The following FAM107B variants were observed in gnomAD, a reference collection of about 807,000 sequenced individuals.
FAM107B encodes protein FAM107B.
Under a neutral mutation model 31.5 loss-of-function variants are expected in FAM107B, and 21 were observed. The ratio of observed to expected loss-of-function variants is 0.67; its 90% confidence interval spans 0.47 to 0.96. FAM107B has a LOEUF of 0.96. Ranked by LOEUF, FAM107B falls within the 40% of genes least tolerant of loss-of-function variation. The pLI, the probability that FAM107B is intolerant of heterozygous loss-of-function variation, is 0.00. For synonymous variants in FAM107B, 157 were observed against 141.5 expected (o/e 1.11, Z -0.78); for missense variants, 452 against 377.1 (o/e 1.20, Z -1.64).
intron 2 of FAM107B, among the ~76,000 whole-genome samples, chr10:14,652,356 C>T (rs1415769456): frequency 1.3e-5 from 2 of 152,178 alleles, no homozygotes; most frequent in Non-Finnish European, 2.9e-5. Flanking sequence ...ACAAAATCAA[C>T]CCTCTCACTA....
chr10:14,547,691 A>C (rs77931855), intron 2 of FAM107B, among the ~76,000 whole-genome samples: 1,788 of 152,258 alleles, frequency 0.012, 22 homozygotes, highest in Non-Finnish European at 0.02. Context: ...TTCACTTTTG[A>C]AATACTGAAT....
intron 1 of FAM107B, among the ~76,000 whole-genome samples, chr10:14,709,784 CA>C (rs1356973499): frequency 6.6e-6 from 1 of 152,136 alleles, no homozygotes; most frequent in Non-Finnish European, 1.5e-5. Context: ...CATGGAGAAA[CA>C]TTAAATGCAT....
intron 2 of FAM107B, among the ~76,000 whole-genome samples, chr10:14,660,440 C>G (rs557890011): frequency 6.6e-6 from 1 of 152,316 alleles, no homozygotes; most frequent in Non-Finnish European, 1.5e-5. Flanking sequence ...TTGGCCCATT[C>G]ATCCATCTCC....
intron 1 of FAM107B, among the ~76,000 whole-genome samples, chr10:14,681,624 CAG>C (rs1413323666): frequency 6.6e-6 from 1 of 152,180 alleles, no homozygotes; most frequent in Admixed American, 6.5e-5. Context: ...TGTAATTTTC[CAG>C]ACTTGTATCA....
At chr10:14,620,233 G>T (rs973570866) in intron 2 of FAM107B, among the ~76,000 whole-genome samples, 2 of 151,966 alleles carry the variant, frequency 1.3e-5, no homozygotes, top group Non-Finnish European at 2.9e-5. Flanking sequence ...TGGCCAGGAT[G>T]GTCTCGATGT....
At chr10:14,732,055 G>T (rs141839760) in intron 1 of FAM107B, among the ~76,000 whole-genome samples, 1 of 152,114 alleles carries the variant, frequency 6.6e-6, no homozygotes, top group Non-Finnish European at 1.5e-5. Flanking sequence ...TCCCACCTGC[G>T]GTCCCAATGT....
intron 2 of FAM107B, among the ~76,000 whole-genome samples, chr10:14,567,269 G>C (rs554074371): frequency 6.6e-6 from 1 of 152,298 alleles, no homozygotes; most frequent in South Asian, 2.1e-4. Flanking sequence ...ACAGAAAAAT[G>C]AGAAAAGTAC....
intron 1 of FAM107B, among the ~76,000 whole-genome samples, chr10:14,766,730 C>T (rs553185955): frequency 6.6e-6 from 1 of 151,670 alleles, no homozygotes; most frequent in East Asian, 2.0e-4. Context: ...AAAGTAGCCC[C>T]TCTTCACCAA....
At chr10:14,685,327 T>G (rs1378975170) in intron 1 of FAM107B, among the ~76,000 whole-genome samples, 1 of 151,918 alleles carries the variant, frequency 6.6e-6, no homozygotes, top group Non-Finnish European at 1.5e-5. Context: ...TTTTAAATTT[T>G]TGGTAGAGAC....
intron 1 of FAM107B, among the ~76,000 whole-genome samples, chr10:14,770,291 A>T (rs1045481048): frequency 6.6e-6 from 1 of 152,102 alleles, no homozygotes; most frequent in Non-Finnish European, 1.5e-5. Context: ...TCGGGAGGCC[A>T]AGGCGGGTGG....
chr10:14,682,573 G>T (rs1854863546), intron 1 of FAM107B, among the ~76,000 whole-genome samples: 1 of 152,118 alleles, frequency 6.6e-6, no homozygotes, highest in South Asian at 2.1e-4. Flanking sequence ...AAAAAAGGAT[G>T]AGCTCATGTC....
intron 2 of FAM107B, among the ~76,000 whole-genome samples, chr10:14,651,480 C>T (rs973489083): frequency 7.9e-5 from 12 of 152,152 alleles, no homozygotes; most frequent in African/African-American, 2.9e-4. Flanking sequence ...TGGTGCATGC[C>T]TGTAATCCCA....
intron 1 of FAM107B, among the ~76,000 whole-genome samples, chr10:14,679,259 A>T (rs940801964): frequency 6.6e-6 from 1 of 152,010 alleles, no homozygotes; most frequent in African/African-American, 2.4e-5. Context: ...CCTCCCGAAT[A>T]TGTGGGACTA....
intron 1 of FAM107B, among the ~76,000 whole-genome samples, chr10:14,732,629 A>T (rs1856199506): frequency 1.3e-5 from 2 of 151,952 alleles, no homozygotes; most frequent in Non-Finnish European, 2.9e-5. Flanking sequence ...ATTGTAATTG[A>T]CATAGTTAAT....
intron 1 of FAM107B, chr10:14,724,199 A>G (rs1169334732): frequency 2.5e-6 from 1 of 407,622 alleles, no homozygotes; most frequent in East Asian, 5.0e-5. Flanking sequence ...TTTGTGTCTT[A>G]TATTTAGGTC....
At chr10:14,709,615 A>G (rs1398539170) in intron 1 of FAM107B, among the ~76,000 whole-genome samples, 2 of 152,200 alleles carry the variant, frequency 1.3e-5, no homozygotes, top group African/African-American at 4.8e-5. Context: ...ATTCAAGATG[A>G]GATTTGGGTG....
chr10:14,643,481 T>C (rs1853679357), intron 2 of FAM107B, among the ~76,000 whole-genome samples: 2 of 151,136 alleles, frequency 1.3e-5, no homozygotes, highest in Admixed American at 1.3e-4. Flanking sequence ...GTGATCTCGG[T>C]TCACTGCAGT....
intron 2 of FAM107B, among the ~76,000 whole-genome samples, chr10:14,622,102 A>G (rs927577598): frequency 6.6e-6 from 1 of 152,142 alleles, no homozygotes; most frequent in Non-Finnish European, 1.5e-5. Context: ...AACACATTTA[A>G]TAAAGTCCAT....
At chr10:14,628,204 C>G (rs577850567) in intron 2 of FAM107B, among the ~76,000 whole-genome samples, 6 of 148,058 alleles carry the variant, frequency 4.1e-5, no homozygotes, top group African/African-American at 1.5e-4. Flanking sequence ...GCAACCTCCC[C>G]CTCCTGGGTT....
Sources: allele counts gnomAD v4.1 joint callset (sites outside exome capture counted in the v4.1 genomes callset), GRCh38; gene constraint gnomAD v4.1.1; transcripts MANE v1.5; gene names NCBI Gene and HGNC (gene_info 2026-07-23, HGNC 2026-07-21).